The following GALNT15 variants were observed in gnomAD, a reference collection of about 807,000 sequenced individuals.
GALNT15 encodes the protein polypeptide N-acetylgalactosaminyltransferase 15, also known as UDP-GalNAc transferase T15.
GALNT15 carries 67 observed loss-of-function variants against 66.8 expected under a neutral mutation model. The observed-to-expected ratio is 1.00, with a 90% CI of 0.82 to 1.23. The LOEUF is 1.23. Ranked by LOEUF, GALNT15 falls within the 50% of genes most tolerant of loss-of-function variation. The probability of loss-of-function intolerance (pLI) is 0.00; values close to 1 mark genes in which losing one functional copy is unlikely to be tolerated. For missense variants in GALNT15, 827 were observed against 804.3 expected (o/e 1.03, Z -0.34); for synonymous variants, 313 against 311.5 (o/e 1.00, Z -0.05).
At chr3:16,208,855 T>C (rs2063784679) in intron 4 of GALNT15, among the ~76,000 whole-genome samples, 185 bp downstream of exon 4, 1 of 152,140 alleles carries the variant, frequency 6.6e-6, no homozygotes, top group African/African-American at 2.4e-5. Flanking sequence ...CCTATAAGGG[T>C]TGTTGTGAAG....
rs78440729 is a variant in GALNT15, at chr3:16,177,269, G to A, written c.539+1579G>A. On this transcript the variant is annotated intron_variant, in intron 1 of 9. Transcript: ENST00000339732. ...TATTTTTCACTGGCCTGGAGCAAGA[G>A]TGAGCATCCTCTTTTTGCCGATAAG... 5.3e-5 allele frequency among the ~76,000 whole-genome samples: 8 copies of A among 152,322 alleles called. No individual in the cohort carries two copies. The East Asian group carries it at 1.5e-3, about 29-fold the overall frequency.
At chr3:16,212,178 C>T (rs149503255) in intron 5 of GALNT15, among the ~76,000 whole-genome samples, 2 of 152,342 alleles carry the variant, frequency 1.3e-5, no homozygotes, top group African/African-American at 4.8e-5. Context: ...GCACACTTCA[C>T]AAGCTTTGAG....
intron 9 of GALNT15, among the ~76,000 whole-genome samples, chr3:16,226,827 G>A (rs919913667): frequency 6.6e-6 from 1 of 152,180 alleles, no homozygotes; most frequent in Non-Finnish European, 1.5e-5. Flanking sequence ...TCTTGAAAAG[G>A]AGAAGATTGG....
intron 6 of GALNT15, among the ~76,000 whole-genome samples, chr3:16,218,676 A>G (rs966654004): frequency 6.6e-6 from 1 of 152,150 alleles, no homozygotes; most frequent in African/African-American, 2.4e-5. Context: ...TCAATTGCCT[A>G]TGGGTCAGTT....
rs891394290 is a variant in GALNT15 at position 16,225,714 on chromosome 3, G to T, written c.1774-1640G>T. Among the ~76,000 whole-genome samples, 1 of 150,480 alleles carries T rather than the reference G, an allele frequency of 6.6e-6. No individual in the cohort carries two copies. The highest frequency in any genetic ancestry group is 1.5e-5 in the Non-Finnish European group (1 of 67,654). On this transcript the variant is annotated intron_variant, in intron 9 of 9. Coordinates refer to ENST00000339732, the MANE Select transcript of GALNT15 (RefSeq NM_054110.5). The surrounding 1 kb of genome is among the most constrained non-coding windows in gnomAD (Gnocchi z 4.4). The stretch of plus-strand genomic sequence containing the variant: ...TCTCAAAATAAATAAATAAATAAAA[G>T]AAAAAGAAAAAAAGAAGAAAAAGAT...
At chr3:16,213,989 G>A (rs1016380888) in intron 6 of GALNT15, among the ~76,000 whole-genome samples, 6 of 152,342 alleles carry the variant, frequency 3.9e-5, no homozygotes, top group Admixed American at 2.6e-4. Context: ...TGGGGAGAGT[G>A]TTAACAGTAC....
chr3:16,195,912 A>T lies in GALNT15; in HGVS notation c.692A>T (p.Asp231Val). ...CTGAAGGAGATCATCCTCGTGGACG[A>T]CCTCAGCCAGCAAGGTAGCCACGGC... ...AFLKEIILVD[D>V]LSQQGQLKSA... The change falls in exon 2 of 10, where the codon GAC (aspartate) becomes GTC (valine). Residue 231 changes from aspartate to valine, a missense_variant. Asp to Val is a radical substitution (Grantham distance 152, BLOSUM62 -3). Transcript: ENST00000339732. The surrounding 1 kb of genome is among the most constrained non-coding windows in gnomAD (Gnocchi z 4.6). 1.9e-6 allele frequency: 3 copies of T among 1,613,940 alleles called. No homozygotes were observed. The highest frequency in any genetic ancestry group is 2.5e-6 in the Non-Finnish European group (3 of 1,179,962).
In GALNT15 at chr3:16,186,240, A is replaced by G. The variant is rs1419735281; in HGVS notation, c.540-9520A>G. On this transcript the variant is annotated intron_variant, in intron 1 of 9. Coordinates refer to ENST00000339732, the MANE Select transcript of GALNT15 (RefSeq NM_054110.5). This position sits in a 1 kb window ranked among gnomAD's most constrained non-coding sequence, Gnocchi z 5.1. ...TAGGAAAATACAAATCAAAACCACAATGAGATGACATTTTACCCCCACTAG... is the reference window on the plus strand; with the variant it reads ...TAGGAAAATACAAATCAAAACCACAGTGAGATGACATTTTACCCCCACTAG... Among the ~76,000 whole-genome samples the G allele has an allele frequency of 6.6e-6, 1 of 152,196 alleles. No homozygotes were observed.
downstream of GALNT15, among the ~76,000 whole-genome samples, chr3:16,233,092 A>ATGTTTTT (rs771943641): frequency 0.046 from 2,188 of 47,876 alleles, 131 homozygotes; most frequent in Non-Finnish European, 0.059. Flanking sequence ...AGGATAATGC[A>ATGTTTTT]TCTTTTTTTT....
chr3:16,223,322 G>T (rs190646691), intron 9 of GALNT15, among the ~76,000 whole-genome samples: 13 of 152,160 alleles, frequency 8.5e-5, no homozygotes, highest in Non-Finnish European at 1.9e-4. Context: ...AGGAATGTCC[G>T]TACTTAAGGA....
intron 3 of GALNT15, among the ~76,000 whole-genome samples, chr3:16,206,217 G>A (rs2063755198): frequency 6.6e-6 from 1 of 151,604 alleles, no homozygotes; most frequent in Non-Finnish European, 1.5e-5. Flanking sequence ...ATTTCTACAC[G>A]CACACACACC....
chr3:16,192,149 C>A (rs1213476765), intron 1 of GALNT15, among the ~76,000 whole-genome samples: 1 of 152,200 alleles, frequency 6.6e-6, no homozygotes, highest in African/African-American at 2.4e-5. Flanking sequence ...ATGTCTGATT[C>A]TGAAGTCTAA....
rs914011092 is a variant in GALNT15 at position 16,182,541 on chromosome 3, G to A, written c.539+6851G>A. ...GAACTGTCCAGACAAGGTTGAAGGA[G>A]GTGGACAGGAGGGAGACCCACGATC... On this transcript the variant is annotated intron_variant, in intron 1 of 9. Coordinates refer to ENST00000339732, the MANE Select transcript of GALNT15 (RefSeq NM_054110.5). The surrounding 1 kb of genome is among the most constrained non-coding windows in gnomAD (Gnocchi z 6.1). Among the ~76,000 whole-genome samples, 1 of 152,214 alleles carries A rather than the reference G, an allele frequency of 6.6e-6. No individual in the cohort carries two copies. Among genetic ancestry groups the A allele is most frequent in the South Asian group, 2.1e-4 (1 of 4,828 alleles).
At chr3:16,244,597 C>T in the GALNT15 span, among the ~76,000 whole-genome samples, 2 of 152,230 alleles carry the variant, frequency 1.3e-5, no homozygotes, top group African/African-American at 4.8e-5. Flanking sequence ...GAGAAAGCTA[C>T]ATGTTTTGAA....
chr3:16,237,347 C>G, the GALNT15 span, among the ~76,000 whole-genome samples: 1 of 152,222 alleles, frequency 6.6e-6, no homozygotes, highest in African/African-American at 2.4e-5. This position sits in a 1 kb window ranked among gnomAD's most constrained non-coding sequence, Gnocchi z 4.2. Flanking sequence ...CTGTTATGAT[C>G]CATGCTTAGG....
Position 16,195,848 on chromosome 3 carries a change from A to G in GALNT15, c.628A>G (p.Thr210Ala), listed in dbSNP as rs1433388632. The G allele has an allele frequency of 1.9e-6, 3 of 1,614,022 alleles. No individual in the cohort carries two copies. The highest frequency in any genetic ancestry group is 2.2e-5 in the East Asian group (1 of 44,874). The change falls in exon 2 of 10, where the codon ACT becomes GCT. Residue 210 changes from threonine (T) to alanine (A), a missense_variant. By Grantham distance (58) the Thr-to-Ala change is moderately conservative. Transcript: ENST00000339732. The surrounding 1 kb of genome is among the most constrained non-coding windows in gnomAD (Gnocchi z 4.6). Reference sequence around the variant, plus strand: ...TGAGGCCTGGTCCACTCTCCTGCGGACTGTACACAGCATCCTCGACACAGT... The same window carrying G: ...TGAGGCCTGGTCCACTCTCCTGCGGGCTGTACACAGCATCCTCGACACAGT... ...HDEAWSTLLR[T>A]VHSILDTVPR...
chr3:16,196,072 C>A, intron 2 of GALNT15, 146 bp downstream of exon 2: 1 of 760,594 alleles, frequency 1.3e-6, no homozygotes, highest in Non-Finnish European at 2.1e-6. Flanking sequence ...GGGCAAGTAA[C>A]TTATGAATGA....
At chr3:16,213,897 T>C (rs2063845320) in intron 6 of GALNT15, among the ~76,000 whole-genome samples, 1 of 152,200 alleles carries the variant, frequency 6.6e-6, no homozygotes, top group Non-Finnish European at 1.5e-5. Flanking sequence ...CTAGATCCAA[T>C]CCTTTCCCTA....
rs1282230096 is a variant in GALNT15 at position 16,181,937 on chromosome 3, T to G, written c.539+6247T>G. Among the ~76,000 whole-genome samples the G allele has an allele frequency of 1.3e-5, 2 of 152,156 alleles. No homozygotes were observed. The highest frequency in any genetic ancestry group is 2.4e-5 in the African/African-American group (1 of 41,440). ...CCTCTGGACCTCCACTCTGGATCCA[T>G]CACCCCGCAGTGGGGTTGCAGCGTA... is the stretch of plus-strand genomic sequence containing the variant. On this transcript the variant is annotated intron_variant, in intron 1 of 9. Coordinates refer to ENST00000339732, the MANE Select transcript of GALNT15 (RefSeq NM_054110.5). This position sits in a 1 kb window ranked among gnomAD's most constrained non-coding sequence, Gnocchi z 5.9.
Sources: allele counts gnomAD v4.1 joint callset (sites outside exome capture counted in the v4.1 genomes callset), GRCh38; gene constraint gnomAD v4.1.1; non-coding constraint Gnocchi (gnomAD v3.1); transcripts MANE v1.5; gene names NCBI Gene and HGNC (gene_info 2026-07-23, HGNC 2026-07-21).